LUZP2: variants seen among roughly 807,000 people sequenced by gnomAD.
LUZP2 encodes leucine zipper protein 2.
LUZP2 carries 52 observed loss-of-function variants against 51.6 expected under a neutral mutation model. The ratio of observed to expected loss-of-function variants is 1.01; its 90% CI spans 0.81 to 1.27. LUZP2 has a LOEUF of 1.27. LUZP2 is among the 50% of genes most tolerant of loss of function. LUZP2 has a pLI of 0.00. For synonymous variants in LUZP2, 154 were observed against 137.3 expected, an observed-to-expected ratio of 1.12 and a Z score of -0.85; for missense variants, 436 against 395.4, an observed-to-expected ratio of 1.10 and a Z score of -0.87.
At chr11:24,753,752 C>T (rs150120628) in intron 4 of LUZP2, among the ~76,000 whole-genome samples, 1,887 of 152,220 alleles carry the variant, frequency 0.012, 23 homozygotes, top group Non-Finnish European at 0.018. Context: ...CTCTCTTGTG[C>T]GAAAGACTTT....
rs532946972 is a variant in LUZP2, at chr11:25,019,066, C to T, written c.766-30972C>T. 3.0e-3 allele frequency among the ~76,000 whole-genome samples: 451 copies of T among 152,300 alleles called. 3 individuals are homozygous for T. Among genetic ancestry groups the T allele is most frequent in the African/African-American group, 0.01 (423 of 41,566 alleles). ...TTACGCCAGAGTGGCACATTTGTTG[C>T]ACTCAATGAACTACCTTGACACATC... On this transcript the variant is annotated intron_variant, in intron 9 of 11. Transcript: ENST00000336930.
At chr11:24,961,899 C>T (rs1292032481) in intron 7 of LUZP2, among the ~76,000 whole-genome samples, 1 of 151,692 alleles carries the variant, frequency 6.6e-6, no homozygotes, top group Non-Finnish European at 1.5e-5. Context: ...TTGTTCCTTT[C>T]CATGTTTAGT....
chr11:24,534,190 A>G (rs1851098619), intron 1 of LUZP2, among the ~76,000 whole-genome samples: 1 of 151,022 alleles, frequency 6.6e-6, no homozygotes, highest in African/African-American at 2.4e-5. Flanking sequence ...TAGAATAGAT[A>G]TGTTCCTATT....
chr11:24,707,678 A>G (rs1037063979), intron 1 of LUZP2, among the ~76,000 whole-genome samples: 1 of 152,100 alleles, frequency 6.6e-6, no homozygotes, highest in African/African-American at 2.4e-5. Flanking sequence ...AAAAAAAGAG[A>G]GTGAATTTGC....
At chr11:24,764,279 T>A (rs1313125498) in intron 5 of LUZP2, among the ~76,000 whole-genome samples, 1 of 152,022 alleles carries the variant, frequency 6.6e-6, no homozygotes, top group Non-Finnish European at 1.5e-5. Context: ...TTTATTTTTA[T>A]CTTTACATAA....
At chr11:24,535,740 A>G (rs1364794325) in intron 1 of LUZP2, among the ~76,000 whole-genome samples, 1 of 151,488 alleles carries the variant, frequency 6.6e-6, no homozygotes, top group East Asian at 2.0e-4. Context: ...AAACTCCTGT[A>G]AATTTTGTAG....
intron 1 of LUZP2, among the ~76,000 whole-genome samples, chr11:24,549,679 G>A (rs2133743405): frequency 6.6e-6 from 1 of 152,068 alleles, no homozygotes; most frequent in South Asian, 2.1e-4. Flanking sequence ...TAGACAATAG[G>A]AATTATTCAG....
chr11:25,039,550 G>C (rs1325027706), intron 9 of LUZP2, among the ~76,000 whole-genome samples: 1 of 152,136 alleles, frequency 6.6e-6, no homozygotes, highest in Non-Finnish European at 1.5e-5. Flanking sequence ...GCCCAACTCT[G>C]CCGGAGCTGA....
chr11:25,007,191 C>A (rs1036907045), intron 9 of LUZP2, among the ~76,000 whole-genome samples: 13 of 152,292 alleles, frequency 8.5e-5, no homozygotes, highest in African/African-American at 2.6e-4. Context: ...GAAAAGTTCT[C>A]CAAGTCCCCA....
At chr11:24,502,275 G>A (rs544667108) in intron 1 of LUZP2, among the ~76,000 whole-genome samples, 2 of 145,934 alleles carry the variant, frequency 1.4e-5, no homozygotes, top group African/African-American at 5.5e-5. Flanking sequence ...TTAACAAGAA[G>A]CATAGTCATC....
chr11:25,066,475 C>G (rs996444493), intron 10 of LUZP2, among the ~76,000 whole-genome samples: 6 of 151,826 alleles, frequency 4.0e-5, no homozygotes, highest in Admixed American at 1.3e-4. Flanking sequence ...ATTTGCTTAT[C>G]AAGTTTGAAG....
chr11:25,029,740 A>AG (rs1307775104), intron 9 of LUZP2, among the ~76,000 whole-genome samples: 2 of 151,226 alleles, frequency 1.3e-5, no homozygotes, highest in South Asian at 4.2e-4. Flanking sequence ...CTGTCTCAAA[A>AG]AAAAAAAAAA....
At chr11:24,701,547 C>T (rs1005542408) in intron 1 of LUZP2, 6 of 157,118 alleles carry the variant, frequency 3.8e-5, no homozygotes, top group African/African-American at 1.4e-4. Flanking sequence ...CTGATGAAGC[C>T]CGAGACAAAG....
At chr11:24,553,748 T>C (rs1485769001) in intron 1 of LUZP2, among the ~76,000 whole-genome samples, 6 of 152,180 alleles carry the variant, frequency 3.9e-5, no homozygotes, top group Admixed American at 2.0e-4. Context: ...TACGTATCTG[T>C]GCCCACATCA....
chr11:24,811,869 G>C (rs181368031), intron 5 of LUZP2, among the ~76,000 whole-genome samples: 2 of 152,112 alleles, frequency 1.3e-5, no homozygotes, highest in African/African-American at 4.8e-5. Context: ...GGCTACCCTA[G>C]TTTTCAAAGG....
At chr11:24,700,792 A>T (rs1482952867) in intron 1 of LUZP2, among the ~76,000 whole-genome samples, 1 of 152,160 alleles carries the variant, frequency 6.6e-6, no homozygotes, top group Non-Finnish European at 1.5e-5. Flanking sequence ...CATTATAATC[A>T]GTGGGGGCAC....
At chr11:24,501,876 G>C (rs1486137711) in intron 1 of LUZP2, among the ~76,000 whole-genome samples, 2 of 152,284 alleles carry the variant, frequency 1.3e-5, no homozygotes, top group Middle Eastern at 3.4e-3. Context: ...ATGAAGCAAA[G>C]AGTTAATAAT....
chr11:24,736,699 A>G (rs1392892084), intron 3 of LUZP2, among the ~76,000 whole-genome samples: 1 of 151,956 alleles, frequency 6.6e-6, no homozygotes, highest in Non-Finnish European at 1.5e-5. Context: ...TATATATTAT[A>G]TTATACTACA....
At chr11:24,533,536 C>A (rs1000773046) in intron 1 of LUZP2, among the ~76,000 whole-genome samples, 1 of 151,152 alleles carries the variant, frequency 6.6e-6, no homozygotes, top group Non-Finnish European at 1.5e-5. Context: ...TTTCTTCTGA[C>A]GTACTTTCAA....
Sources: gnomAD v4.1 joint callset for allele counts (sites outside exome capture counted in the v4.1 genomes callset) on GRCh38, gnomAD v4.1.1 for gene constraint, MANE v1.5 for transcripts, NCBI Gene and HGNC (gene_info 2026-07-23, HGNC 2026-07-21) for gene names.